The following IARS1 variants were observed in gnomAD, a reference collection of about 807,000 sequenced individuals.
IARS1 encodes isoleucine--tRNA ligase, cytoplasmic.
Under a neutral mutation model 168.2 loss-of-function variants are expected in IARS1, and 124 were observed. The observed-to-expected ratio is 0.74, with a 90% CI of 0.64 to 0.86. The LOEUF (loss-of-function observed/expected upper bound fraction) is 0.86. Among genes scored for constraint, IARS1 ranks in the 40% least tolerant of loss-of-function variants. IARS1 has a pLI of 0.00. For missense variants in IARS1, 1,452 were observed against 1,515.8 expected, an observed-to-expected ratio of 0.96 and a Z score of 0.70; for synonymous variants, 532 against 529.4, an observed-to-expected ratio of 1.00 and a Z score of -0.07.
At chr9:92,251,948 T>A (rs1830061176) in intron 21 of IARS1, 63 bp from the exon 22 acceptor site, 4 of 1,193,370 alleles carry the variant, frequency 3.4e-6, no homozygotes, top group South Asian at 2.5e-5. Context: ...ATTAAAAAAA[T>A]AAGTTTATTA....
intron 15 of IARS1, 47 bp downstream of exon 15, chr9:92,265,433 A>G: frequency 6.6e-7 from 1 of 1,517,694 alleles, no homozygotes. Flanking sequence ...CCAGGTCTTA[A>G]TAGGAGAATC....
In IARS1 at chr9:92,271,510, T is replaced by C. The variant is rs373288877; in HGVS notation, c.1113+23A>G. 3.7e-6 allele frequency: 6 copies of C among 1,613,612 alleles called. No homozygotes were observed. In the African/African-American group the frequency reaches 6.7e-5, roughly 18 times the overall value. On this transcript the variant is annotated intron_variant, in intron 11 of 33. Coordinates refer to ENST00000443024, the MANE Select transcript of IARS1 (RefSeq NM_002161.6). ...ACTAATCAGAAGTAACAGTCACCCT[T>C]CTATGCTATATGGATTACAGACCTT...
Position 92,265,120 on chromosome 9 carries a change from A to T in IARS1, c.1509T>A (p.Val503=). The T allele has an allele frequency of 6.2e-7, 1 of 1,607,656 alleles. No homozygotes were observed. Among genetic ancestry groups the T allele is most frequent in the Non-Finnish European group, 8.5e-7 (1 of 1,177,400 alleles). Residue 503 remains valine (V), a synonymous_variant, in exon 16 of 34, where the codon GTT becomes GTA. Transcript: ENST00000443024. ...AGCGTGAAGGAATGGTCAGGTGGTCAACACTAACAAACAGAAAAGTAGTCA... is the reference window on the plus strand; with the variant it reads ...AGCGTGAAGGAATGGTCAGGTGGTCTACACTAACAAACAGAAAAGTAGTCA... ...AKISDLHRES[V]DHLTIPSRCG... is the part of the protein sequence containing the mutation.
chr9:92,287,904 C>A lies in IARS1; in HGVS notation c.283G>T (p.Glu95Ter), dbSNP rs1564190182. 3 of 1,613,782 alleles carry A rather than the reference C, an allele frequency of 1.9e-6. No individual in the cohort carries two copies. In the Admixed American group the frequency reaches 5.0e-5, roughly 27 times the overall value. ...CTGATTCCCAGTGTCTTATCAATTTCATATTCCTGAAAATTTGTGATAAGA... is the reference window on the plus strand; with the variant it reads ...CTGATTCCCAGTGTCTTATCAATTTAATATTCCTGAAAATTTGTGATAAGA... ...WDCHGLPVEYEIDKTLGIRGP... is the reference protein window; with the variant it reads ...WDCHGLPVEY Residue 95 changes from glutamate (E) to a stop codon, truncating the protein, a stop_gained, in exon 4 of 34, where the codon GAA becomes TAA. Transcript: ENST00000443024. LOFTEE classifies it high-confidence loss of function.
chr9:92,274,480 A>G lies in IARS1; in HGVS notation c.936T>C (p.Tyr312=), dbSNP rs1326216102. The part of the protein sequence containing the change: ...NGAFTVLVDN[Y]VKEEEGTGVV... ...CCCCTGTGCCTTCTTCTTCCTTCAC[A>G]TAGTTGTCAACAAGCACAGTGAAAG... The change falls in exon 10 of 34, where the codon TAT becomes TAC. Residue 312 remains tyrosine (Y), a synonymous_variant. Transcript: ENST00000443024. 2 of 1,614,010 alleles carry G rather than the reference A, an allele frequency of 1.2e-6. No individual in the cohort carries two copies. Among genetic ancestry groups the G allele is most frequent in the Non-Finnish European group, 1.7e-6 (2 of 1,179,906 alleles).
chr9:92,275,029 C>G (rs1367377952), intron 9 of IARS1, among the ~76,000 whole-genome samples: 1 of 152,184 alleles, frequency 6.6e-6, no homozygotes, highest in Admixed American at 6.5e-5. Context: ...CCTTAATACT[C>G]AGGGGAAATG....
At chr9:92,213,817 G>C (rs1838166477) in intron 33 of IARS1, among the ~76,000 whole-genome samples, 1 of 152,070 alleles carries the variant, frequency 6.6e-6, no homozygotes, top group African/African-American at 2.4e-5. Context: ...GAATGCCATA[G>C]ATTTTTTTTC....
At chr9:92,259,104 C>A in intron 18 of IARS1, 106 bp from the exon 19 acceptor site, 1 of 980,654 alleles carries the variant, frequency 1.0e-6, no homozygotes, top group South Asian at 1.8e-5. Context: ...CTATTTTCTA[C>A]AAAAGGGGGT....
Position 92,287,830 on chromosome 9 carries a change from C to T in IARS1, c.357G>A (p.Gln119=). The T allele has an allele frequency of 6.2e-7, 1 of 1,613,894 alleles. No homozygotes were observed. Among genetic ancestry groups the T allele is most frequent in the Non-Finnish European group, 8.5e-7 (1 of 1,179,884 alleles). The change falls in exon 4 of 34, where the codon CAG becomes CAA. Residue 119 remains glutamine, a synonymous_variant. Coordinates refer to ENST00000443024, the MANE Select transcript of IARS1 (RefSeq NM_002161.6). ...AATATCTCATCACAATTGCTCGGCA[C>T]TGATTGTTATACTCTGTAATCCCCA... ...AKMGITEYNN[Q]CRAIVMRYSA... is the part of the protein sequence containing the mutation.
At chr9:92,220,600 C>G (rs968678863) in intron 33 of IARS1, among the ~76,000 whole-genome samples, 1 of 151,832 alleles carries the variant, frequency 6.6e-6, no homozygotes, top group African/African-American at 2.4e-5. Context: ...GCCTGGGCAA[C>G]AAGAGTGAAA....
intron 30 of IARS1, among the ~76,000 whole-genome samples, chr9:92,229,855 T>A (rs1826385356): frequency 6.6e-6 from 1 of 152,188 alleles, no homozygotes; most frequent in African/African-American, 2.4e-5. Flanking sequence ...GTATGTTTAG[T>A]TCTATGCAAT....
intron 9 of IARS1, among the ~76,000 whole-genome samples, chr9:92,276,526 T>C (rs1388428696): frequency 6.6e-6 from 1 of 152,078 alleles, no homozygotes; most frequent in East Asian, 1.9e-4. Flanking sequence ...GGCTATCAAG[T>C]AGGCAACGAG....
chr9:92,247,447 T>A lies in IARS1; in HGVS notation c.2721A>T (p.Gly907=). 1 of 1,614,156 alleles carries A rather than the reference T, an allele frequency of 6.2e-7. No homozygotes were observed. The highest frequency in any genetic ancestry group is 8.5e-7 in the Non-Finnish European group (1 of 1,180,028). The change falls in exon 26 of 34, where the codon GGA becomes GGT. Residue 907 remains glycine (G), a synonymous_variant. Transcript: ENST00000443024. ...DHMVLGKRLK[G]AFKAVMTSIK... ...TGGACGTCATCACTGCCTTAAAGGC[T>A]CCCTTCAGACGCTTCCCCAGGACCA...
intron 30 of IARS1, among the ~76,000 whole-genome samples, chr9:92,239,153 C>T (rs1827986888): frequency 6.6e-6 from 1 of 152,094 alleles, no homozygotes; most frequent in South Asian, 2.1e-4. Flanking sequence ...TTTTTTCCTT[C>T]CTGATGTTTC....
intron 27 of IARS1, among the ~76,000 whole-genome samples, chr9:92,244,371 C>T (rs9409465): frequency 0.11 from 17,092 of 152,132 alleles, 1,103 homozygotes; most frequent in South Asian, 0.22. Context: ...TCTACCTTCC[C>T]CTGCACATGG....
intron 30 of IARS1, among the ~76,000 whole-genome samples, chr9:92,234,597 A>G (rs1224556629): frequency 6.6e-6 from 1 of 152,180 alleles, no homozygotes; most frequent in Non-Finnish European, 1.5e-5. Flanking sequence ...TCTTGTTTAC[A>G]TTACTGATGC....
chr9:92,253,039 T>C (rs1016656494), intron 21 of IARS1, among the ~76,000 whole-genome samples: 5 of 152,122 alleles, frequency 3.3e-5, no homozygotes, highest in African/African-American at 1.2e-4. Context: ...ACCAGTATTT[T>C]TATAAAATAT....
At chr9:92,267,104 A>C (rs565942365) in intron 14 of IARS1, among the ~76,000 whole-genome samples, 1 of 152,294 alleles carries the variant, frequency 6.6e-6, no homozygotes, top group South Asian at 2.1e-4. Context: ...ACCCGATTAA[A>C]GCAATCAGAC....
intron 33 of IARS1, among the ~76,000 whole-genome samples, chr9:92,218,818 A>G (rs1473379221): frequency 2.7e-5 from 4 of 150,674 alleles, no homozygotes; most frequent in Admixed American, 6.6e-5. Flanking sequence ...GGTAGGAAGA[A>G]TCAATATCGT....
Sources: gnomAD v4.1 joint callset for allele counts (sites outside exome capture counted in the v4.1 genomes callset) on GRCh38, gnomAD v4.1.1 for gene constraint, MANE v1.5 for transcripts, NCBI Gene and HGNC (gene_info 2026-07-23, HGNC 2026-07-21) for gene names.